The following LGALS12 variants were observed in gnomAD, a reference collection of about 807,000 sequenced individuals.
The protein encoded by LGALS12 is galectin 12.
A neutral mutation model predicts 36.8 loss-of-function variants in LGALS12; 36 were observed. That is an observed-to-expected ratio of 0.98 (90% confidence interval 0.75 to 1.29). LGALS12 has a LOEUF of 1.29. Among genes scored for constraint, LGALS12 ranks in the 50% most tolerant of loss-of-function variants. LGALS12 has a pLI of 0.00. For missense variants in LGALS12, 366 were observed against 394.3 expected, an observed-to-expected ratio of 0.93 and a Z score of 0.61; for synonymous variants, 145 against 155.9, an observed-to-expected ratio of 0.93 and a Z score of 0.52.
chr11:63,511,122 C>T lies in LGALS12; in HGVS notation c.558+17C>T, dbSNP rs202190235. 1,292 of 1,612,304 alleles carry T rather than the reference C, an allele frequency of 8.0e-4. No individual in the cohort carries two copies. The highest frequency in any genetic ancestry group is 1.2e-3 in the South Asian group (112 of 91,074). On this transcript the variant is annotated intron_variant, in intron 6 of 8. Coordinates refer to ENST00000394618, the MANE Select transcript of LGALS12 (RefSeq NM_033101.4). ...CCCAGGCTGGTGAGTGAACCTCCCT[C>T]CTGCTCTGTCAGGGCTGGGGGCGCA...
chr11:63,511,149 C>G (rs2239679), intron 6 of LGALS12, 44 bp downstream of exon 6: 780,661 of 1,587,202 alleles, frequency 0.49, 201,224 homozygotes, highest in Non-Finnish European at 0.53. Context: ...GGGGGCGCAG[C>G]CTGGGTGAGC....
chr11:63,512,967 G>A (rs2016973290), intron 7 of LGALS12, among the ~76,000 whole-genome samples: 1 of 151,786 alleles, frequency 6.6e-6, no homozygotes, highest in African/African-American at 2.4e-5. Context: ...GCTTAATTTT[G>A]TTTTTATTTT....
At chr11:63,511,708 T>G (rs765253552) in intron 6 of LGALS12, 44 bp from the exon 7 acceptor site, 1 of 1,441,804 alleles carries the variant, frequency 6.9e-7, no homozygotes, top group Non-Finnish European at 9.7e-7. Flanking sequence ...TCCTCCCCAG[T>G]CCCCCTGGAA....
intron 7 of LGALS12, among the ~76,000 whole-genome samples, chr11:63,514,111 T>A (rs569841504): frequency 2.0e-5 from 3 of 152,246 alleles, no homozygotes; most frequent in African/African-American, 7.2e-5. Context: ...CTTCCCAAAG[T>A]TGGAAACTTA....
chr11:63,514,503 A>G (rs1051418695), intron 7 of LGALS12, among the ~76,000 whole-genome samples: 6 of 152,130 alleles, frequency 3.9e-5, no homozygotes, highest in African/African-American at 1.4e-4. Context: ...CCTGGGAGGA[A>G]GAGGTTGCAG....
At chr11:63,509,662 G>T in intron 3 of LGALS12, 116 bp from the exon 4 acceptor site, 1 of 1,024,928 alleles carries the variant, frequency 9.8e-7, no homozygotes, top group Non-Finnish European at 1.5e-6. Flanking sequence ...TCATAGAGAT[G>T]ACGTGAAGTT....
intron 1 of LGALS12, among the ~76,000 whole-genome samples, chr11:63,507,510 T>C (rs1050650308): frequency 2.0e-5 from 3 of 151,634 alleles, no homozygotes; most frequent in African/African-American, 4.8e-5. Context: ...GCTTATAAAC[T>C]AGGGAAAAAA....
Position 63,506,793 on chromosome 11 carries a change from A to C in LGALS12, c.69+266A>C, listed in dbSNP as rs553700188. Among the ~76,000 whole-genome samples the C allele has an allele frequency of 2.0e-5, 3 of 152,214 alleles. No homozygotes were observed. In the East Asian group the frequency reaches 5.8e-4, roughly 29 times the overall value. On this transcript the variant is annotated intron_variant, in intron 1 of 8. Coordinates refer to ENST00000394618, the MANE Select transcript of LGALS12 (RefSeq NM_033101.4). ...AGCCACAGTGCTCTGCCCCTACTGTAATGGATGCTAGGAGGATGAGGGTGT... is the reference window on the plus strand; with the variant it reads ...AGCCACAGTGCTCTGCCCCTACTGTCATGGATGCTAGGAGGATGAGGGTGT...
rs1041216074 is a variant in LGALS12 at position 63,511,876 on chromosome 11, A to T, written c.647+36A>T. On this transcript the variant is annotated intron_variant, in intron 7 of 8. Transcript: ENST00000394618. ...AGCATCTAAGTGGAGGGGAGGGAGCAGCCTCTCTGTGACAGTCACATGCTA... is the reference window on the plus strand; with the variant it reads ...AGCATCTAAGTGGAGGGGAGGGAGCTGCCTCTCTGTGACAGTCACATGCTA... 2.0e-5 allele frequency: 27 copies of T among 1,343,252 alleles called. No individual in the cohort carries two copies. In the Admixed American group the frequency reaches 4.5e-4, roughly 23 times the overall value. The allele number at this position is 1,343,252 out of a possible 1,614,324, so 83.2% of individuals were successfully genotyped here.
At chr11:63,512,420 T>A (rs1045993844) in intron 7 of LGALS12, among the ~76,000 whole-genome samples, 13 of 152,252 alleles carry the variant, frequency 8.5e-5, no homozygotes, top group African/African-American at 3.1e-4. Context: ...TGGGTTGGCA[T>A]GTGCTCAGGA....
At chr11:63,511,242 G>GACCAGGCAGCTTATGCC (rs1555033925) in intron 6 of LGALS12, 137 bp downstream of exon 6, 1 of 784,296 alleles carries the variant, frequency 1.3e-6, no homozygotes, top group African/African-American at 1.7e-5. Flanking sequence ...GCTGTGGGTG[G>GACCAGGCAGCTTATGCC]GCCAGGCAGC....
At position 63,516,387 on chromosome 11, in the gene LGALS12, C is replaced by T. The variant is rs2017085774; in HGVS notation, c.939C>T (p.His313=). The T allele has an allele frequency of 6.2e-7, 1 of 1,613,878 alleles. No individual in the cohort carries two copies. Among genetic ancestry groups the T allele is most frequent in the Non-Finnish European group, 8.5e-7 (1 of 1,180,038 alleles). The change falls in exon 9 of 9, where the codon CAC becomes CAT. Residue 313 remains histidine (H), a synonymous_variant. Coordinates refer to ENST00000394618, the MANE Select transcript of LGALS12 (RefSeq NM_033101.4). ...ISGSVQLYCV[H]S ...GAAGTGTCCAGCTCTACTGTGTCCA[C>T]TCCTGAGGATGGTTCCAGGGAAATA...
At chr11:63,511,386 A>T (rs1376945233) in intron 6 of LGALS12, among the ~76,000 whole-genome samples, 1 of 152,178 alleles carries the variant, frequency 6.6e-6, no homozygotes, top group Non-Finnish European at 1.5e-5. Flanking sequence ...ATTACTTGAT[A>T]CTTCTCTGTG....
intron 7 of LGALS12, among the ~76,000 whole-genome samples, chr11:63,513,775 G>A (rs768925413): frequency 3.9e-5 from 6 of 152,080 alleles, no homozygotes; most frequent in Non-Finnish European, 7.3e-5. Flanking sequence ...TTCCCTCCTC[G>A]TTATTGAGTG....
At chr11:63,514,935 G>T (rs1293829320) in intron 7 of LGALS12, among the ~76,000 whole-genome samples, 1 of 152,002 alleles carries the variant, frequency 6.6e-6, no homozygotes, top group Admixed American at 6.6e-5. Context: ...TAAACAATAG[G>T]TATCATCTGA....
chr11:63,516,253 C>A lies in LGALS12; in HGVS notation c.805C>A (p.Leu269Ile). 6.3e-7 allele frequency: 1 copy of A among 1,577,068 alleles called. No homozygotes were observed. The change falls in exon 9 of 9, where the codon CTC (leucine) becomes ATC (isoleucine). Residue 269 changes from leucine (L) to isoleucine (I), a missense_variant. By Grantham distance (5) the Leu-to-Ile change is conservative. Coordinates refer to ENST00000394618, the MANE Select transcript of LGALS12 (RefSeq NM_033101.4). The part of the protein sequence containing the change: ...FYPQRFFEVL[L>I]LFQEGGLKLA... Reference sequence around the variant, plus strand: ...TCATGTCCTCCTTTCCCAGGTGCTGCTCCTGTTCCAGGAGGGAGGGCTGAA... The same window carrying A: ...TCATGTCCTCCTTTCCCAGGTGCTGATCCTGTTCCAGGAGGGAGGGCTGAA...
At chr11:63,514,782 G>A (rs2017029539) in intron 7 of LGALS12, among the ~76,000 whole-genome samples, 1 of 151,928 alleles carries the variant, frequency 6.6e-6, no homozygotes, top group South Asian at 2.1e-4. Context: ...CACAGAATTT[G>A]TGAGGATTAA....
chr11:63,512,788 C>CAA (rs35347135), intron 7 of LGALS12, among the ~76,000 whole-genome samples: 10,690 of 111,220 alleles, frequency 0.096, 1,275 homozygotes, highest in African/African-American at 0.29. Context: ...GACTCCATCT[C>CAA]AAAAAAAAAA....
intron 1 of LGALS12, among the ~76,000 whole-genome samples, chr11:63,507,020 C>A (rs1008939424): frequency 6.6e-6 from 1 of 152,168 alleles, no homozygotes; most frequent in Admixed American, 6.5e-5. Context: ...CCAGCAGACA[C>A]CCCCTACTAA....
Sources: gnomAD v4.1 joint callset for allele counts (sites outside exome capture counted in the v4.1 genomes callset) on GRCh38, gnomAD v4.1.1 for gene constraint, MANE v1.5 for transcripts, NCBI Gene and HGNC (gene_info 2026-07-23, HGNC 2026-07-21) for gene names.